PDE3A: variants seen among roughly 807,000 people sequenced by gnomAD.
PDE3A encodes cGMP-inhibited 3',5'-cyclic phosphodiesterase 3A.
A neutral mutation model predicts 98.3 loss-of-function variants in PDE3A; 43 were observed. The ratio of observed to expected loss-of-function variants is 0.44; its 90% CI spans 0.34 to 0.56. The LOEUF (loss-of-function observed/expected upper bound fraction) is 0.56, where lower values mean the gene tolerates loss of function less well. Among genes scored for constraint, PDE3A ranks in the 20% least tolerant of loss-of-function variants. PDE3A has a pLI of 0.01. For missense variants in PDE3A, 1,427 were observed against 1,440.7 expected (o/e 0.99, Z 0.15); for synonymous variants, 663 against 567.9 (o/e 1.17, Z -2.38).
At chr12:20,437,382 A>G (rs1412577246) in intron 1 of PDE3A, among the ~76,000 whole-genome samples, 9 of 152,068 alleles carry the variant, frequency 5.9e-5, no homozygotes, top group Admixed American at 5.9e-4. Context: ...ATTCTTGCAT[A>G]CCTAAGGTTG....
intron 15 of PDE3A, among the ~76,000 whole-genome samples, chr12:20,677,590 G>C (rs993330054): frequency 1.3e-5 from 2 of 152,088 alleles, no homozygotes; most frequent in Non-Finnish European, 1.5e-5. Context: ...CTTCCAAGTA[G>C]CTGGGATTAC....
intron 1 of PDE3A, among the ~76,000 whole-genome samples, chr12:20,554,784 A>G (rs1942323992): frequency 1.3e-5 from 2 of 151,794 alleles, no homozygotes; most frequent in Non-Finnish European, 2.9e-5. Context: ...AAGGGGTTTC[A>G]CCATGTTGGC....
intron 2 of PDE3A, among the ~76,000 whole-genome samples, chr12:20,606,898 A>G (rs566435252): frequency 2.0e-4 from 31 of 151,644 alleles, no homozygotes; most frequent in African/African-American, 7.5e-4. Flanking sequence ...TAATTGATTG[A>G]TAGGCACACG....
chr12:20,673,471 C>G (rs1223798645), intron 15 of PDE3A, among the ~76,000 whole-genome samples: 3 of 139,338 alleles, frequency 2.2e-5, no homozygotes, highest in Admixed American at 1.5e-4. Context: ...CAATGATAGA[C>G]TGGATTAAGA....
At position 20,608,024 on chromosome 12, in the gene PDE3A, A is replaced by T. The variant is rs138571966; in HGVS notation, c.1012-5419A>T. Among the ~76,000 whole-genome samples the T allele has an allele frequency of 4.6e-4, 70 of 152,250 alleles. 1 individual carries two copies. Among genetic ancestry groups the T allele is most frequent in the Non-Finnish European group, 2.9e-4 (20 of 68,000 alleles). On this transcript the variant is annotated intron_variant, in intron 2 of 15. Coordinates refer to ENST00000359062, the MANE Select transcript of PDE3A (RefSeq NM_000921.5). The stretch of plus-strand genomic sequence containing the variant: ...TGTGTGAATCACACAATTTTTTCTC[A>T]CTTTGTACATGATTTAAAAAACACT...
chr12:20,635,577 CAAA>C (rs770373365), intron 8 of PDE3A, among the ~76,000 whole-genome samples: 1 of 120,284 alleles, frequency 8.3e-6, no homozygotes. Flanking sequence ...GACTCTGTCT[CAAA>C]AAAAAAAAAA....
chr12:20,633,640 A>G, intron 6 of PDE3A, 53 bp from the exon 7 acceptor site: 3 of 969,396 alleles, frequency 3.1e-6, no homozygotes, highest in Non-Finnish European at 4.8e-6. Context: ...GTATGTGCCT[A>G]TGACTTTTTG....
chr12:20,369,650 C>T lies in PDE3A; in HGVS notation c.366C>T (p.Gly122=). ...FPGPRGGAPG[G]GARLSPWLQP... ...GGCCTCGGGGAGGTGCTCCCGGGGG[C>T]GGTGCGCGGCTCAGCCCCTGGCTGC... Residue 122 remains glycine, a synonymous_variant, in exon 1 of 16, where the codon GGC becomes GGT. Transcript: ENST00000359062. 3 of 1,599,668 alleles carry T rather than the reference C, an allele frequency of 1.9e-6. No individual in the cohort carries two copies. Among genetic ancestry groups the T allele is most frequent in the Non-Finnish European group, 2.6e-6 (3 of 1,173,952 alleles).
Position 20,435,133 on chromosome 12 carries a change from G to A in PDE3A, c.960+64889G>A, listed in dbSNP as rs983671371. ...CAATGAAGCAGAAATGTCCTGGGGG[G>A]CCTTGAACTTGGAGGTACTTCCCAT... On this transcript the variant is annotated intron_variant, in intron 1 of 15. Coordinates refer to ENST00000359062, the MANE Select transcript of PDE3A (RefSeq NM_000921.5). Among the ~76,000 whole-genome samples the A allele has an allele frequency of 2.0e-5, 3 of 152,270 alleles. No homozygotes were observed. The East Asian group carries it at 5.8e-4, about 29-fold the overall frequency.
chr12:20,552,273 C>A lies in PDE3A; in HGVS notation c.961-4387C>A. 1 of 1,613,884 alleles carries A rather than the reference C, an allele frequency of 6.2e-7. No homozygotes were observed. The highest frequency in any genetic ancestry group is 8.5e-7 in the Non-Finnish European group (1 of 1,179,866). ...AGGGTGGCAAGAATAGCAAGTACGC[C>A]CCCGCTGAGGGCAACCGCTACGATG... On this transcript the variant is annotated intron_variant, in intron 1 of 15. Transcript: ENST00000359062. The surrounding 1 kb of genome is among the most constrained non-coding windows in gnomAD (Gnocchi z 5.1).
At chr12:20,653,049 C>T (rs1477250250) in intron 14 of PDE3A, among the ~76,000 whole-genome samples, 1 of 152,138 alleles carries the variant, frequency 6.6e-6, no homozygotes, top group Non-Finnish European at 1.5e-5. Flanking sequence ...ACTTCTTAGG[C>T]ATAATTGTTG....
chr12:20,452,204 T>C (rs985108316), intron 1 of PDE3A, among the ~76,000 whole-genome samples: 3 of 152,242 alleles, frequency 2.0e-5, no homozygotes, highest in African/African-American at 7.2e-5. Context: ...GTCTAACGCG[T>C]GCAGATGCAA....
At chr12:20,391,726 C>A (rs1943918585) in intron 1 of PDE3A, among the ~76,000 whole-genome samples, 1 of 151,742 alleles carries the variant, frequency 6.6e-6, no homozygotes, top group African/African-American at 2.4e-5. Flanking sequence ...TTTGCCTAAT[C>A]ACTACCATAA....
rs562887876 is a variant in PDE3A, at chr12:20,551,460, T to C, written c.961-5200T>C. ...TGACAGATTGATAGCTCTTTCTCGA[T>C]TCCGTGGGTGGTGGTGCATGGCCGT... On this transcript the variant is annotated intron_variant, in intron 1 of 15. Coordinates refer to ENST00000359062, the MANE Select transcript of PDE3A (RefSeq NM_000921.5). The C allele has an allele frequency of 8.6e-5, 54 of 624,876 alleles. No individual in the cohort carries two copies. The East Asian group carries it at 1.2e-3, about 14-fold the overall frequency. 38.7% of individuals were successfully genotyped at this position (624,876 alleles called of 1,614,324 possible).
chr12:20,572,928 A>G (rs959529412), intron 2 of PDE3A, among the ~76,000 whole-genome samples: 2 of 151,978 alleles, frequency 1.3e-5, no homozygotes, highest in Non-Finnish European at 2.9e-5. Context: ...TTCCCCCCAT[A>G]CTGTACTGAT....
intron 1 of PDE3A, among the ~76,000 whole-genome samples, chr12:20,457,303 T>C (rs1945169871): frequency 1.3e-5 from 2 of 151,570 alleles, no homozygotes; most frequent in South Asian, 4.1e-4. Context: ...TTAGTTTTGC[T>C]CTTAATATTA....
intron 1 of PDE3A, among the ~76,000 whole-genome samples, chr12:20,534,572 C>G (rs1454951046): frequency 6.6e-6 from 1 of 152,120 alleles, no homozygotes; most frequent in African/African-American, 2.4e-5. Context: ...TGAGACAAAC[C>G]TTCACACTAA....
At chr12:20,482,511 T>C (rs572392651) in intron 1 of PDE3A, among the ~76,000 whole-genome samples, 11 of 152,312 alleles carry the variant, frequency 7.2e-5, no homozygotes, top group South Asian at 6.2e-4. Flanking sequence ...GTGCAAAACA[T>C]TGAAGCCCAG....
At chr12:20,562,157 A>T (rs1408101957) in intron 2 of PDE3A, among the ~76,000 whole-genome samples, 1 of 148,902 alleles carries the variant, frequency 6.7e-6, no homozygotes, top group Admixed American at 6.7e-5. Context: ...CTTCATTTTT[A>T]TTTTTTATTC....
Sources: allele counts gnomAD v4.1 joint callset (sites outside exome capture counted in the v4.1 genomes callset), GRCh38; gene constraint gnomAD v4.1.1; non-coding constraint Gnocchi (gnomAD v3.1); transcripts MANE v1.5; gene names NCBI Gene and HGNC (gene_info 2026-07-23, HGNC 2026-07-21).